Variants in STXBP5L observed in about 807,000 individuals in gnomAD.
STXBP5L encodes syntaxin binding protein 5L, also known as syntaxin-binding protein 5-like.
In STXBP5L, 65 loss-of-function variants were observed where a neutral mutation model predicts 144.5. The ratio of observed to expected loss-of-function variants is 0.45; its 90% CI spans 0.37 to 0.55. STXBP5L has a LOEUF of 0.55. Among genes scored for constraint, STXBP5L ranks in the 20% least tolerant of loss-of-function variants. The pLI is 0.00. For missense variants in STXBP5L, 1,298 were observed against 1,405.5 expected (o/e 0.92, Z 1.22); for synonymous variants, 505 against 469.6 (o/e 1.08, Z -0.97).
chr3:120,933,639 A>G (rs1710086207), intron 2 of STXBP5L, among the ~76,000 whole-genome samples: 1 of 152,196 alleles, frequency 6.6e-6, no homozygotes, highest in African/African-American at 2.4e-5. Context: ...TGCATAGGGC[A>G]TAGTCACAGA....
intron 18 of STXBP5L, among the ~76,000 whole-genome samples, chr3:121,264,069 A>G (rs1008506037): frequency 1.3e-5 from 2 of 152,202 alleles, no homozygotes; most frequent in Non-Finnish European, 2.9e-5. Context: ...GAGAAAGGTC[A>G]GGTTACCCAC....
intron 3 of STXBP5L, among the ~76,000 whole-genome samples, chr3:120,998,702 A>G (rs1374269115): frequency 6.6e-6 from 1 of 152,142 alleles, no homozygotes; most frequent in African/African-American, 2.4e-5. Context: ...TCAAAAATCA[A>G]TAGCATTCCT....
chr3:121,165,637 T>C (rs777154244), intron 9 of STXBP5L, among the ~76,000 whole-genome samples: 1 of 152,066 alleles, frequency 6.6e-6, no homozygotes, highest in Non-Finnish European at 1.5e-5. Flanking sequence ...GCAGGGTTTA[T>C]TGGGTGAAAA....
chr3:120,923,801 G>A (rs1204344052), intron 2 of STXBP5L, among the ~76,000 whole-genome samples: 1 of 152,096 alleles, frequency 6.6e-6, no homozygotes, highest in Non-Finnish European at 1.5e-5. Flanking sequence ...TGAAAAAAAT[G>A]TGTATTCTGC....
At chr3:121,114,711 A>G (rs968842627) in intron 5 of STXBP5L, among the ~76,000 whole-genome samples, 4 of 152,158 alleles carry the variant, frequency 2.6e-5, no homozygotes, top group Non-Finnish European at 5.9e-5. Context: ...TAATGCCCAT[A>G]TAGGCACTTA....
rs144829317 is a variant in STXBP5L at position 120,928,711 on chromosome 3, G to A, written c.189+18944G>A. On this transcript the variant is annotated intron_variant, in intron 2 of 26. Transcript: ENST00000471454. Reference sequence around the variant, plus strand: ...ACACAATGTGTTAAGATTTATTCAAGTTGTTGATGGTGTCAGTGATTTGTT... The same window carrying A: ...ACACAATGTGTTAAGATTTATTCAAATTGTTGATGGTGTCAGTGATTTGTT... Among the ~76,000 whole-genome samples, 86 of 151,590 alleles carry A rather than the reference G, an allele frequency of 5.7e-4. 2 individuals carry two copies. The East Asian group carries it at 0.013, about 23-fold the overall frequency.
chr3:121,406,788 G>A (rs1025721570), intron 22 of STXBP5L, among the ~76,000 whole-genome samples: 7 of 151,898 alleles, frequency 4.6e-5, no homozygotes, highest in African/African-American at 1.7e-4. Flanking sequence ...AATCAAATAA[G>A]ATTGTGTGAT....
At chr3:120,917,550 G>A (rs1462965194) in intron 2 of STXBP5L, among the ~76,000 whole-genome samples, 1 of 152,140 alleles carries the variant, frequency 6.6e-6, no homozygotes, top group East Asian at 1.9e-4. Context: ...ATAGCAAGGG[G>A]TGGCCATGGT....
intron 5 of STXBP5L, among the ~76,000 whole-genome samples, chr3:121,101,965 A>G (rs1354807786): frequency 6.6e-6 from 1 of 152,008 alleles, no homozygotes; most frequent in Admixed American, 6.6e-5. Flanking sequence ...CCCATATACA[A>G]TAGTCACAAG....
chr3:121,134,329 A>G (rs1369272701), intron 7 of STXBP5L, among the ~76,000 whole-genome samples: 1 of 152,104 alleles, frequency 6.6e-6, no homozygotes, highest in Non-Finnish European at 1.5e-5. Context: ...TAATTCATTC[A>G]TTAGGACAGA....
intron 8 of STXBP5L, among the ~76,000 whole-genome samples, chr3:121,153,807 T>A (rs527373294): frequency 6.6e-6 from 1 of 152,056 alleles, no homozygotes; most frequent in African/African-American, 2.4e-5. Flanking sequence ...CATGCAGTTA[T>A]GTTCTTTATA....
chr3:120,991,641 C>T (rs1264890051), intron 3 of STXBP5L, among the ~76,000 whole-genome samples: 3 of 152,160 alleles, frequency 2.0e-5, no homozygotes, highest in African/African-American at 7.2e-5. Flanking sequence ...CCATGGAATA[C>T]TGTGCAGCCA....
At chr3:121,064,859 C>T (rs1277845626) in intron 5 of STXBP5L, among the ~76,000 whole-genome samples, 1 of 152,046 alleles carries the variant, frequency 6.6e-6, no homozygotes, top group Non-Finnish European at 1.5e-5. Context: ...AGCATAGTAC[C>T]AAATAGGTAG....
chr3:121,370,312 G>A (rs1009688202), intron 20 of STXBP5L, among the ~76,000 whole-genome samples: 1 of 152,160 alleles, frequency 6.6e-6, no homozygotes, highest in African/African-American at 2.4e-5. Flanking sequence ...AGGTTGCGGT[G>A]AGCTGACATT....
At chr3:121,291,036 G>A (rs1326843544) in intron 19 of STXBP5L, among the ~76,000 whole-genome samples, 1 of 152,096 alleles carries the variant, frequency 6.6e-6, no homozygotes, top group Non-Finnish European at 1.5e-5. Context: ...CATAGTACTG[G>A]AAGTCCTAGC....
chr3:121,220,609 A>G (rs1474722932), intron 10 of STXBP5L, among the ~76,000 whole-genome samples: 1 of 152,152 alleles, frequency 6.6e-6, no homozygotes, highest in Non-Finnish European at 1.5e-5. Context: ...TTTTTAACAT[A>G]TGCTATGAAA....
intron 3 of STXBP5L, among the ~76,000 whole-genome samples, chr3:121,000,090 G>A (rs893837303): frequency 6.6e-6 from 1 of 152,062 alleles, no homozygotes; most frequent in African/African-American, 2.4e-5. Context: ...TGTGTTTTGG[G>A]GGTGGTCATC....
At chr3:121,196,421 G>C (rs894182705) in intron 9 of STXBP5L, among the ~76,000 whole-genome samples, 1 of 151,948 alleles carries the variant, frequency 6.6e-6, no homozygotes, top group African/African-American at 2.4e-5. Flanking sequence ...TTACAGGCAT[G>C]AGCCACCGCA....
chr3:121,402,674 G>C (rs1010228434), intron 22 of STXBP5L, among the ~76,000 whole-genome samples: 1 of 152,244 alleles, frequency 6.6e-6, no homozygotes, highest in South Asian at 2.1e-4. Context: ...CCACACTAAA[G>C]TGTCTCATTT....
Sources: gnomAD v4.1 joint callset for allele counts (sites outside exome capture counted in the v4.1 genomes callset) on GRCh38, gnomAD v4.1.1 for gene constraint, MANE v1.5 for transcripts, NCBI Gene and HGNC (gene_info 2026-07-23, HGNC 2026-07-21) for gene names.